The following KDM4C variants were observed in gnomAD, a reference collection of about 807,000 sequenced individuals.
KDM4C encodes the protein lysine demethylase 4C.
KDM4C carries 81 observed loss-of-function variants against 129.3 expected under a neutral mutation model. That is an observed-to-expected ratio of 0.63 (90% CI 0.52 to 0.75). The LOEUF (loss-of-function observed/expected upper bound fraction) is 0.75, where lower values mean the gene tolerates loss of function less well. KDM4C is among the 30% of genes least tolerant of loss of function. The probability of loss-of-function intolerance (pLI) is 0.00; values close to 1 mark genes in which losing one functional copy is unlikely to be tolerated. For missense variants in KDM4C, 1,457 were observed against 1,304.0 expected (o/e 1.12, Z -1.81); for synonymous variants, 573 against 456.1 (o/e 1.26, Z -3.26).
chr9:6,922,100 C>G (rs1275326145), intron 8 of KDM4C, among the ~76,000 whole-genome samples: 3 of 152,230 alleles, frequency 2.0e-5, no homozygotes, highest in African/African-American at 7.2e-5. Context: ...AGTACACGTT[C>G]AGCAAATATT....
chr9:6,929,498 A>G lies in KDM4C; in HGVS notation c.921+36266A>G, dbSNP rs143286274. Among the ~76,000 whole-genome samples the G allele has an allele frequency of 2.8e-3, 414 of 147,066 alleles. 3 individuals are homozygous for G. The highest frequency in any genetic ancestry group is 9.6e-3 in the African/African-American group (377 of 39,188). Reference sequence around the variant, plus strand: ...TTTTTTTTTTTTTTTTTTGGCAACAATTCAGTAAGGAAGGACAGTGTATGT... The same window carrying G: ...TTTTTTTTTTTTTTTTTTGGCAACAGTTCAGTAAGGAAGGACAGTGTATGT... On this transcript the variant is annotated intron_variant, in intron 8 of 21. Coordinates refer to ENST00000381309, the MANE Select transcript of KDM4C (RefSeq NM_015061.6).
At chr9:6,942,160 T>G (rs1194423060) in intron 8 of KDM4C, among the ~76,000 whole-genome samples, 1 of 152,198 alleles carries the variant, frequency 6.6e-6, no homozygotes. Flanking sequence ...GCAATAACTT[T>G]AAGATAAAAC....
At chr9:6,772,449 CCTCCTGCGTTCAAGCGATT>C (rs1822059404) in intron 1 of KDM4C, among the ~76,000 whole-genome samples, 1 of 152,162 alleles carries the variant, frequency 6.6e-6, no homozygotes, top group Non-Finnish European at 1.5e-5. Flanking sequence ...GCAACCTCCG[CCTCCTGCGTTCAAGCGATT>C]CTCCTGCCTC....
intron 17 of KDM4C, among the ~76,000 whole-genome samples, chr9:7,100,454 C>T (rs1371802107): frequency 2.6e-5 from 4 of 152,112 alleles, no homozygotes; most frequent in Non-Finnish European, 4.4e-5. Context: ...ACTCTCCTGC[C>T]TCAGCCGCCC....
chr9:7,095,207 G>T (rs1326334834), intron 17 of KDM4C, among the ~76,000 whole-genome samples: 1 of 152,110 alleles, frequency 6.6e-6, no homozygotes, highest in South Asian at 2.1e-4. Flanking sequence ...GTTCCACCCC[G>T]GTCCTCATAA....
chr9:7,049,636 A>AGAAGCTTTTATTTTTAC (rs1829875055), intron 17 of KDM4C, among the ~76,000 whole-genome samples: 1 of 152,132 alleles, frequency 6.6e-6, no homozygotes, highest in Non-Finnish European at 1.5e-5. Flanking sequence ...AGAGAAATAA[A>AGAAGCTTTTATTTTTAC]GAAGCTTTTA....
intron 8 of KDM4C, among the ~76,000 whole-genome samples, chr9:6,964,821 G>T (rs1002662541): frequency 6.7e-6 from 1 of 149,536 alleles, no homozygotes; most frequent in Non-Finnish European, 1.5e-5. Context: ...GGGCGCAGTA[G>T]CACATGCCTG....
intron 17 of KDM4C, among the ~76,000 whole-genome samples, chr9:7,059,599 G>T (rs1259782567): frequency 1.3e-5 from 2 of 152,116 alleles, no homozygotes; most frequent in Non-Finnish European, 2.9e-5. Flanking sequence ...ATCTGGAAAG[G>T]TTATTAAAAT....
intron 12 of KDM4C, among the ~76,000 whole-genome samples, chr9:6,996,884 CAG>C (rs1374644969): frequency 2.6e-5 from 4 of 152,224 alleles, no homozygotes; most frequent in Middle Eastern, 3.4e-3. Flanking sequence ...GTGTTTTTTA[CAG>C]AGTGTCAATA....
intron 5 of KDM4C, among the ~76,000 whole-genome samples, chr9:6,876,337 T>C (rs997862454): frequency 2.6e-5 from 4 of 152,102 alleles, no homozygotes; most frequent in African/African-American, 7.2e-5. Flanking sequence ...TGTTGTTCTG[T>C]GAGGTAGATG....
chr9:7,034,978 G>A (rs184148710), intron 15 of KDM4C, among the ~76,000 whole-genome samples: 3 of 152,172 alleles, frequency 2.0e-5, no homozygotes, highest in East Asian at 3.9e-4. Context: ...TTTGTGAAAT[G>A]TATGTTCAGA....
intron 1 of KDM4C, among the ~76,000 whole-genome samples, chr9:6,782,869 G>C (rs893739274): frequency 6.6e-6 from 1 of 152,118 alleles, no homozygotes; most frequent in African/African-American, 2.4e-5. Context: ...AAGACTCTTG[G>C]GGTGGTTGAA....
At chr9:6,995,330 C>T (rs545031863) in intron 12 of KDM4C, among the ~76,000 whole-genome samples, 2 of 152,048 alleles carry the variant, frequency 1.3e-5, no homozygotes, top group South Asian at 4.2e-4. Flanking sequence ...CCTGTATGGA[C>T]ACACACAGAC....
chr9:6,938,650 A>G (rs1456182127), intron 8 of KDM4C, among the ~76,000 whole-genome samples: 1 of 152,140 alleles, frequency 6.6e-6, no homozygotes, highest in Non-Finnish European at 1.5e-5. Context: ...AAGATTCCAA[A>G]TCACTCCAGC....
intron 2 of KDM4C, among the ~76,000 whole-genome samples, chr9:6,797,813 A>G (rs1828035400): frequency 6.6e-6 from 1 of 152,248 alleles, no homozygotes; most frequent in African/African-American, 2.4e-5. Flanking sequence ...CAAGTAGTGC[A>G]AATGCACATT....
At chr9:6,772,767 A>G (rs1822154541) in intron 1 of KDM4C, among the ~76,000 whole-genome samples, 1 of 139,712 alleles carries the variant, frequency 7.2e-6, no homozygotes, top group Non-Finnish European at 1.5e-5. Flanking sequence ...ATCTTGGCTC[A>G]CTGCAGCCTC....
In KDM4C at chr9:7,174,517, C is replaced by G. The variant is rs765804918; in HGVS notation, c.2995-36C>G. On this transcript the variant is annotated intron_variant, in intron 21 of 21. Coordinates refer to ENST00000381309, the MANE Select transcript of KDM4C (RefSeq NM_015061.6). ...GTCCAGTGTTCTGAAGATCAAATGCCGTGCCCTTTTGCAATATAACACCAG... is the reference window on the plus strand; with the variant it reads ...GTCCAGTGTTCTGAAGATCAAATGCGGTGCCCTTTTGCAATATAACACCAG... The G allele has an allele frequency of 1.9e-6, 3 of 1,600,404 alleles. No individual in the cohort carries two copies. In the East Asian group the frequency reaches 6.7e-5, roughly 36 times the overall value.
chr9:7,005,223 G>A (rs972682805), intron 12 of KDM4C, among the ~76,000 whole-genome samples: 19 of 152,024 alleles, frequency 1.2e-4, no homozygotes, highest in Admixed American at 3.9e-4. Context: ...ATCATCTGAG[G>A]TCAGGAGTTC....
intron 1 of KDM4C, among the ~76,000 whole-genome samples, chr9:6,745,206 T>C (rs1046414586): frequency 6.6e-6 from 1 of 152,188 alleles, no homozygotes; most frequent in Non-Finnish European, 1.5e-5. Context: ...TAATGTTCCC[T>C]CCAATCTACA....
Sources: gnomAD v4.1 joint callset for allele counts (sites outside exome capture counted in the v4.1 genomes callset) on GRCh38, gnomAD v4.1.1 for gene constraint, MANE v1.5 for transcripts, NCBI Gene and HGNC (gene_info 2026-07-23, HGNC 2026-07-21) for gene names.